GGT7: variants seen among roughly 807,000 people sequenced by gnomAD.
GGT7 encodes the protein glutathione hydrolase 7.
Under a neutral mutation model 69.2 loss-of-function variants are expected in GGT7, and 30 were observed. The observed-to-expected ratio is 0.43, with a 90% CI of 0.32 to 0.59. GGT7 has a LOEUF of 0.59. Among genes scored for constraint, GGT7 ranks in the 20% least tolerant of loss-of-function variants. The pLI is 0.05. For missense variants in GGT7, 733 were observed against 901.1 expected, an observed-to-expected ratio of 0.81 and a Z score of 2.39; for synonymous variants, 388 against 391.8, an observed-to-expected ratio of 0.99 and a Z score of 0.12.
intron 7 of GGT7, among the ~76,000 whole-genome samples, chr20:34,858,272 G>A (rs1568936083): frequency 6.6e-6 from 1 of 152,194 alleles, no homozygotes; most frequent in African/African-American, 2.4e-5. Flanking sequence ...CCAAACAAAG[G>A]AAAGTAGAGT....
intron 12 of GGT7, 82 bp from the exon 13 acceptor site, chr20:34,851,450 T>A: frequency 2.9e-6 from 4 of 1,370,780 alleles, no homozygotes; most frequent in Non-Finnish European, 4.0e-6. Flanking sequence ...CCCTTCCAAC[T>A]GCTCTCCCTC....
chr20:34,860,637 C>CTTTTTT lies in GGT7; in HGVS notation c.676-322_676-317dup, dbSNP rs533561120. 1.6e-3 allele frequency among the ~76,000 whole-genome samples: 182 copies of CTTTTTT among 113,830 alleles called. 4 individuals are homozygous for CTTTTTT. Among genetic ancestry groups the CTTTTTT allele is most frequent in the African/African-American group, 4.2e-3 (129 of 30,934 alleles). 74.7% of individuals were successfully genotyped at this position (113,830 alleles called of 152,430 possible). On this transcript the variant is annotated intron_variant, in intron 4 of 14. Coordinates refer to ENST00000336431, the MANE Select transcript of GGT7 (RefSeq NM_178026.3). ...TACATTGGATTTCACCAACCCCTGC[C>CTTTTTT]TTTTTTTTTTTTTTTTTTTTTTTTT...
chr20:34,850,890 T>A, intron 13 of GGT7: 1 of 602,122 alleles, frequency 1.7e-6, no homozygotes, highest in Non-Finnish European at 3.2e-6. Context: ...AATCCCACCC[T>A]AAAGAGGGCT....
intron 1 of GGT7, among the ~76,000 whole-genome samples, chr20:34,867,385 C>G (rs2079709004): frequency 6.6e-6 from 1 of 151,974 alleles, no homozygotes; most frequent in Non-Finnish European, 1.5e-5. Context: ...AAACTAAGAC[C>G]AAGAAAGGTG....
intron 13 of GGT7, chr20:34,850,874 C>G (rs1300919257): frequency 1.7e-6 from 1 of 579,452 alleles, no homozygotes; most frequent in African/African-American, 1.8e-5. Flanking sequence ...CAGGCCCTTC[C>G]TTTCAAATCC....
intron 6 of GGT7, 36 bp from the exon 7 acceptor site, chr20:34,859,675 C>A: frequency 6.6e-7 from 1 of 1,514,212 alleles, no homozygotes. Context: ...CAGGGCGGGA[C>A]GCCAGGACTG....
chr20:34,862,822 G>A lies in GGT7; in HGVS notation c.549C>T (p.Gly183=). 2 of 1,614,096 alleles carry A rather than the reference G, an allele frequency of 1.2e-6. No homozygotes were observed. The highest frequency in any genetic ancestry group is 1.7e-6 in the Non-Finnish European group (2 of 1,180,012). Residue 183 remains glycine (G), a synonymous_variant, in exon 3 of 15, where the codon GGC becomes GGT. Transcript: ENST00000336431. The part of the protein sequence containing the change: ...CLGIVAPHSS[G]LGGGGVMLVH... The stretch of plus-strand genomic sequence containing the variant: ...CCTCCACTGCTCCTTACCCGCCCAG[G>A]CCAGAACTGTGTGGAGCCACGATAC...
Position 34,845,541 on chromosome 20 carries a change from T to A in GGT7, c.1826-50A>T, listed in dbSNP as rs759631882. 5.2e-6 allele frequency: 8 copies of A among 1,524,404 alleles called. No homozygotes were observed. The East Asian group carries it at 1.8e-4, about 34-fold the overall frequency. 94.4% of individuals were successfully genotyped at this position (1,524,404 alleles called of 1,614,324 possible). A position where few individuals can be genotyped will look rare whatever the true frequency, so the allele number is the denominator to read the frequency against. On this transcript the variant is annotated intron_variant, in intron 14 of 14. Coordinates refer to ENST00000336431, the MANE Select transcript of GGT7 (RefSeq NM_178026.3). ...ACATTCAGAATGTACAGAGCACTAG[T>A]TCAAGAGTCCTACAGTCAGACCTGA...
In GGT7 at chr20:34,859,509, T is replaced by C. The variant is rs918188627; in HGVS notation, c.948A>G (p.Val316=). ...AGGCAGCCGGGCCGGAGGTGCCAAG[T>C]ACATCCAGCACCTCAGCCAGGTCGG... ...HRPDLAEVLD[V]LGTSGPAAFY... Residue 316 remains valine (V), a synonymous_variant, in exon 7 of 15, where the codon GTA becomes GTG. Coordinates refer to ENST00000336431, the MANE Select transcript of GGT7 (RefSeq NM_178026.3). 1 of 1,611,554 alleles carries C rather than the reference T, an allele frequency of 6.2e-7. No homozygotes were observed. The highest frequency in any genetic ancestry group is 8.5e-7 in the Non-Finnish European group (1 of 1,178,402).
intron 14 of GGT7, among the ~76,000 whole-genome samples, chr20:34,846,714 A>G (rs1037902395): frequency 3.9e-5 from 6 of 152,164 alleles, no homozygotes; most frequent in African/African-American, 9.7e-5. Context: ...AACAGCTTCA[A>G]CGGAATTTAG....
chr20:34,859,363 G>A (rs2079544412), intron 7 of GGT7, 80 bp downstream of exon 7: 2 of 1,085,214 alleles, frequency 1.8e-6, no homozygotes, highest in East Asian at 2.5e-5. Flanking sequence ...AGGGAGGGAA[G>A]GAAGGAAAAA....
At chr20:34,860,219 C>T (rs369384619) in intron 5 of GGT7, 35 bp downstream of exon 5, 107 of 1,517,762 alleles carry the variant, frequency 7.0e-5, no homozygotes, top group Admixed American at 6.0e-4. Context: ...GAGATGCAAA[C>T]GGGGGTCCCT....
In GGT7 at chr20:34,851,088, C is replaced by G. The variant is rs1386787441; in HGVS notation, c.1725+143G>C. The G allele has an allele frequency of 4.0e-6, 4 of 994,878 alleles. No homozygotes were observed. The African/African-American group carries it at 6.3e-5, about 16-fold the overall frequency. The allele number at this position is 994,878 out of a possible 1,614,324, so 61.6% of individuals were successfully genotyped here. A position where few individuals can be genotyped will look rare whatever the true frequency, so the allele number is the denominator to read the frequency against. The stretch of plus-strand genomic sequence containing the variant: ...CAGCGCAGCCCATGTCCACATTGCC[C>G]AGGATGCGCCTGGCACAAAACAGCC... On this transcript the variant is annotated intron_variant, in intron 13 of 14. Coordinates refer to ENST00000336431, the MANE Select transcript of GGT7 (RefSeq NM_178026.3).
intron 13 of GGT7, 136 bp downstream of exon 13, chr20:34,851,095 C>A: frequency 9.3e-7 from 1 of 1,073,554 alleles, no homozygotes; most frequent in South Asian, 1.3e-5. Context: ...GCCCAGGATG[C>A]GCCTGGCACA....
intron 7 of GGT7, among the ~76,000 whole-genome samples, chr20:34,857,453 A>G (rs919110459): frequency 5.3e-5 from 8 of 152,132 alleles, no homozygotes; most frequent in Non-Finnish European, 5.9e-5. Context: ...AGCCCTCATT[A>G]TTGACCAATG....
Position 34,854,618 on chromosome 20 carries a change from G to T in GGT7, c.1232C>A (p.Thr411Asn). The T allele has an allele frequency of 1.2e-6, 2 of 1,609,470 alleles. No individual in the cohort carries two copies. The highest frequency in any genetic ancestry group is 1.7e-6 in the Non-Finnish European group (2 of 1,175,844). Reference protein sequence around the residue: ...REQALHWVAETLKIALALASR... With the variant: ...REQALHWVAENLKIALALASR... Reference sequence around the variant, plus strand: ...GGCCAGGGCTAATGCAATCTTCAGGGTCTGAAAATACAGCAGGGATATGGA... The same window carrying T: ...GGCCAGGGCTAATGCAATCTTCAGGTTCTGAAAATACAGCAGGGATATGGA... The change falls in exon 10 of 15, where the codon ACC (threonine) becomes AAC (asparagine). Residue 411 changes from threonine to asparagine, a missense_variant and splice_region_variant. Transcript: ENST00000336431.
chr20:34,848,625 G>A (rs971953599), intron 14 of GGT7, among the ~76,000 whole-genome samples: 10 of 152,184 alleles, frequency 6.6e-5, no homozygotes, highest in African/African-American at 1.4e-4. Context: ...TGAAGATCGC[G>A]GTCTCTGCTT....
intron 13 of GGT7, 95 bp downstream of exon 13, chr20:34,851,136 G>A (rs1429511862): frequency 6.7e-6 from 10 of 1,483,690 alleles, no homozygotes; most frequent in Non-Finnish European, 9.3e-6. Flanking sequence ...TGCCGCATGA[G>A]GAATGGAAAC....
chr20:34,850,318 A>G (rs2079368327), intron 13 of GGT7: 1 of 640,972 alleles, frequency 1.6e-6, no homozygotes, highest in Non-Finnish European at 2.9e-6. Flanking sequence ...CACCACTAGA[A>G]CCAAGTCTCT....
Sources: allele counts gnomAD v4.1 joint callset (sites outside exome capture counted in the v4.1 genomes callset), GRCh38; gene constraint gnomAD v4.1.1; transcripts MANE v1.5; gene names NCBI Gene and HGNC (gene_info 2026-07-23, HGNC 2026-07-21).